The following NAALAD2 variants were observed in gnomAD, a reference collection of about 807,000 sequenced individuals.
NAALAD2 encodes the protein N-acetylated alpha-linked acidic dipeptidase 2.
Under a neutral mutation model 95.6 loss-of-function variants are expected in NAALAD2, and 89 were observed. That is an observed-to-expected ratio of 0.93 (90% CI 0.78 to 1.11). NAALAD2 has a LOEUF of 1.11. Among genes scored for constraint, NAALAD2 ranks in the 50% least tolerant of loss-of-function variants. The pLI is 0.00. For synonymous variants in NAALAD2, 264 were observed against 294.4 expected (o/e 0.90, Z 1.06); for missense variants, 894 against 872.4 (o/e 1.02, Z -0.31).
chr11:90,160,675 A>T (rs532295632), intron 8 of NAALAD2, among the ~76,000 whole-genome samples: 1 of 152,338 alleles, frequency 6.6e-6, no homozygotes, highest in East Asian at 1.9e-4. Context: ...TCAATGAAAC[A>T]TAAAGCCCTT....
chr11:90,167,751 C>T (rs1277082153), intron 11 of NAALAD2, among the ~76,000 whole-genome samples: 1 of 152,190 alleles, frequency 6.6e-6, no homozygotes, highest in Non-Finnish European at 1.5e-5. Flanking sequence ...CACCAATCCA[C>T]ACTCTATATC....
intron 18 of NAALAD2, among the ~76,000 whole-genome samples, chr11:90,183,724 CT>C (rs911463083): frequency 1.3e-5 from 2 of 152,120 alleles, no homozygotes; most frequent in African/African-American, 4.8e-5. Context: ...ATAGAATAGG[CT>C]TTGCATTAGA....
intron 4 of NAALAD2, among the ~76,000 whole-genome samples, chr11:90,150,193 TG>T (rs1951849293): frequency 2.0e-5 from 3 of 152,100 alleles, no homozygotes; most frequent in Non-Finnish European, 4.4e-5. Context: ...TGGAGGAGGT[TG>T]CAGTGAGCCG....
At chr11:90,138,295 G>C (rs765117652) in intron 2 of NAALAD2, among the ~76,000 whole-genome samples, 1 of 152,100 alleles carries the variant, frequency 6.6e-6, no homozygotes, top group Non-Finnish European at 1.5e-5. Context: ...GGAGGAAGAG[G>C]AGGGGTTGGT....
intron 6 of NAALAD2, among the ~76,000 whole-genome samples, chr11:90,155,872 G>T (rs1952101134): frequency 7.3e-6 from 1 of 137,440 alleles, no homozygotes; most frequent in African/African-American, 2.7e-5. Context: ...TATATAATAT[G>T]TAATGTATAT....
chr11:90,155,422 T>TTACA (rs1360505565), intron 6 of NAALAD2, among the ~76,000 whole-genome samples: 15 of 104,402 alleles, frequency 1.4e-4, no homozygotes, highest in African/African-American at 6.3e-4. Context: ...ATATTACATA[T>TTACA]TATACATGTA....
chr11:90,149,202 T>C, intron 4 of NAALAD2, 95 bp downstream of exon 4: 4 of 631,816 alleles, frequency 6.3e-6, no homozygotes, highest in South Asian at 5.6e-5. Context: ...ATTAGGTGAA[T>C]CATTCATGCG....
At chr11:90,152,938 G>T (rs924388765) in intron 6 of NAALAD2, among the ~76,000 whole-genome samples, 8 of 152,028 alleles carry the variant, frequency 5.3e-5, no homozygotes, top group African/African-American at 1.7e-4. Context: ...TATGTGAAAT[G>T]ATTTCTACAA....
chr11:90,161,935 A>G (rs1952309879), intron 8 of NAALAD2, among the ~76,000 whole-genome samples: 1 of 152,112 alleles, frequency 6.6e-6, no homozygotes, highest in African/African-American at 2.4e-5. Flanking sequence ...GAAAAAAAAA[A>G]AAACATCGAT....
intron 6 of NAALAD2, 93 bp downstream of exon 6, chr11:90,152,577 A>C: frequency 1.1e-6 from 1 of 918,176 alleles, no homozygotes; most frequent in Admixed American, 2.8e-5. Flanking sequence ...AATAATATTA[A>C]ACTAAAATTG....
Position 90,159,260 on chromosome 11 carries a change from A to G in NAALAD2, c.912A>G (p.Pro304=). ...TCAGCTACTTGGGAGGAATTGCTCC[A>G]CCAGATAAGAGTTGGAAGGGAGCCC... The part of the protein sequence containing the change: ...ILLRYLGGIA[P]PDKSWKGALN... The change falls in exon 8 of 19, where the codon CCA becomes CCG. Residue 304 remains proline, a synonymous_variant. Transcript: ENST00000534061. 2 of 1,613,648 alleles carry G rather than the reference A, an allele frequency of 1.2e-6. No homozygotes were observed. The highest frequency in any genetic ancestry group is 1.1e-5 in the South Asian group (1 of 91,068).
At chr11:90,168,526 A>G (rs1365915601) in intron 11 of NAALAD2, among the ~76,000 whole-genome samples, 1 of 152,188 alleles carries the variant, frequency 6.6e-6, no homozygotes, top group Admixed American at 6.5e-5. Context: ...ATAAAATAAT[A>G]AAATACAGAT....
chr11:90,168,249 C>T (rs1952534635), intron 11 of NAALAD2, among the ~76,000 whole-genome samples: 1 of 152,192 alleles, frequency 6.6e-6, no homozygotes, highest in African/African-American at 2.4e-5. Flanking sequence ...CTGAACACAT[C>T]CGAACATCAG....
At chr11:90,191,072 C>T (rs1201223959) in intron 18 of NAALAD2, among the ~76,000 whole-genome samples, 1 of 152,104 alleles carries the variant, frequency 6.6e-6, no homozygotes, top group Non-Finnish European at 1.5e-5. Flanking sequence ...ACGTCATTAT[C>T]CTTGCCATTT....
At chr11:90,142,189 G>A (rs370146821) in intron 2 of NAALAD2, among the ~76,000 whole-genome samples, 21 of 151,938 alleles carry the variant, frequency 1.4e-4, no homozygotes, top group Admixed American at 4.6e-4. Context: ...TTAGCTGGTC[G>A]GTAGGGTAAT....
chr11:90,184,792 G>A (rs116812859), intron 18 of NAALAD2, among the ~76,000 whole-genome samples: 2,214 of 151,882 alleles, frequency 0.015, 66 homozygotes, highest in African/African-American at 0.051. Context: ...GTTTATATAT[G>A]TATATAGTCA....
In NAALAD2 at chr11:90,181,671, A is replaced by G. The variant is rs764953478; in HGVS notation, c.1910A>G (p.His637Arg). ...KNFSEAASDF[H>R]KRLIQVDLNN... ...TTCTCAGAGGCTGCTTCAGATTTTC[A>G]TAAACGACTTATACAAGTTGATCTT... The change falls in exon 17 of 19, where the codon CAT (histidine) becomes CGT (arginine). Residue 637 changes from histidine (H) to arginine (R), a missense_variant. By Grantham distance (29) the His-to-Arg change is conservative (BLOSUM62 0). Coordinates refer to ENST00000534061, the MANE Select transcript of NAALAD2 (RefSeq NM_005467.4). 3 of 1,606,572 alleles carry G rather than the reference A, an allele frequency of 1.9e-6. No individual in the cohort carries two copies. Among genetic ancestry groups the G allele is most frequent in the Non-Finnish European group, 2.6e-6 (3 of 1,176,282 alleles).
intron 13 of NAALAD2, 118 bp from the exon 14 acceptor site, chr11:90,173,706 T>C (rs1952706377): frequency 5.0e-6 from 3 of 601,724 alleles, no homozygotes; most frequent in East Asian, 3.2e-5. Context: ...TGTATAAATA[T>C]ATACATGTAC....
chr11:90,162,963 A>G lies in NAALAD2; in HGVS notation c.1004A>G (p.His335Arg), dbSNP rs374714314. Reference sequence around the variant, plus strand: ...TAAAATTCTAGGAAGGTTAGAATGCATGTTTATAACATCAATAAAATTACA... The same window carrying G: ...TAAAATTCTAGGAAGGTTAGAATGCGTGTTTATAACATCAATAAAATTACA... The part of the protein sequence containing the change: ...GSDSFRKVRM[H>R]VYNINKITRI... The change falls in exon 9 of 19, where the codon CAT becomes CGT. Residue 335 changes from histidine to arginine, a missense_variant. Transcript: ENST00000534061. The G allele has an allele frequency of 1.9e-6, 3 of 1,541,524 alleles. No individual in the cohort carries two copies. The highest frequency in any genetic ancestry group is 2.7e-5 in the African/African-American group (2 of 72,906).
Sources: allele counts gnomAD v4.1 joint callset (sites outside exome capture counted in the v4.1 genomes callset), GRCh38; gene constraint gnomAD v4.1.1; transcripts MANE v1.5; gene names NCBI Gene and HGNC (gene_info 2026-07-23, HGNC 2026-07-21).